SLC4A10: variants seen among roughly 807,000 people sequenced by gnomAD.
The protein encoded by SLC4A10 is sodium-driven chloride bicarbonate exchanger.
A neutral mutation model predicts 137.7 loss-of-function variants in SLC4A10; 42 were observed. The observed-to-expected ratio is 0.30, with a 90% CI of 0.24 to 0.39. The LOEUF (loss-of-function observed/expected upper bound fraction) is 0.39, where lower values mean the gene tolerates loss of function less well. SLC4A10 is among the 10% of genes least tolerant of loss of function. The probability of loss-of-function intolerance (pLI) is 1.00; values close to 1 mark genes in which losing one functional copy is unlikely to be tolerated. For synonymous variants in SLC4A10, 474 were observed against 464.1 expected, an observed-to-expected ratio of 1.02 and a Z score of -0.27; for missense variants, 925 against 1,355.0, an observed-to-expected ratio of 0.68 and a Z score of 4.98.
intron 19 of SLC4A10, 146 bp downstream of exon 19, chr2:161,950,994 G>A (rs1694700798): frequency 1.3e-6 from 1 of 749,284 alleles, no homozygotes; most frequent in African/African-American, 1.8e-5. Flanking sequence ...TGTCTTACAA[G>A]ATACTTGGTC....
At chr2:161,769,179 T>TGAC (rs2051261161) in intron 1 of SLC4A10, among the ~76,000 whole-genome samples, 1 of 151,972 alleles carries the variant, frequency 6.6e-6, no homozygotes, top group Admixed American at 6.6e-5. Context: ...ACCCCTTGAG[T>TGAC]GACGACATTA....
At chr2:161,671,112 G>C (rs777005311) in intron 1 of SLC4A10, among the ~76,000 whole-genome samples, 2 of 152,154 alleles carry the variant, frequency 1.3e-5, no homozygotes, top group African/African-American at 2.4e-5. Context: ...CAGTGTGATA[G>C]TATTAAAAGG....
intron 26 of SLC4A10, among the ~76,000 whole-genome samples, chr2:161,979,427 A>C (rs1699884223): frequency 6.6e-6 from 1 of 152,178 alleles, no homozygotes; most frequent in African/African-American, 2.4e-5. Flanking sequence ...TTATTCTTTA[A>C]ATGTACTTTC....
chr2:161,636,093 T>A (rs2034339657), intron 1 of SLC4A10, among the ~76,000 whole-genome samples: 3 of 152,180 alleles, frequency 2.0e-5, no homozygotes, highest in African/African-American at 7.2e-5. Flanking sequence ...TCTTTCTAGG[T>A]GCTTCTAGAT....
At chr2:161,666,702 G>T (rs1416137397) in intron 1 of SLC4A10, among the ~76,000 whole-genome samples, 2 of 151,622 alleles carry the variant, frequency 1.3e-5, no homozygotes, top group South Asian at 4.1e-4. Flanking sequence ...AATATGGAAG[G>T]AGTTCTTAAG....
chr2:161,947,521 C>T (rs1694042913), intron 16 of SLC4A10, 45 bp from the exon 17 acceptor site: 2 of 1,580,412 alleles, frequency 1.3e-6, no homozygotes, highest in Non-Finnish European at 1.7e-6. Flanking sequence ...AGAAATGTGT[C>T]CGGTTTTTTC....
In SLC4A10 at chr2:161,640,717, T is replaced by A. The variant is rs193096034; in HGVS notation, c.48+16151T>A. Among the ~76,000 whole-genome samples, 36 of 151,558 alleles carry A rather than the reference T, an allele frequency of 2.4e-4. No individual in the cohort carries two copies. In the East Asian group the frequency reaches 6.5e-3, roughly 27 times the overall value. On this transcript the variant is annotated intron_variant, in intron 1 of 26. Transcript: ENST00000446997. ...CTCTTGCTGGAGTGCAGTCGCTGGT[T>A]ACAGGCATGGTCATCACAGTGCACT...
chr2:161,929,212 G>A (rs958571048), intron 15 of SLC4A10, among the ~76,000 whole-genome samples: 2 of 152,264 alleles, frequency 1.3e-5, no homozygotes, highest in Admixed American at 6.5e-5. Flanking sequence ...ACGAGAAAGA[G>A]ACTCTTGCTT....
intron 15 of SLC4A10, among the ~76,000 whole-genome samples, chr2:161,932,072 T>C (rs932239513): frequency 1.3e-5 from 2 of 152,200 alleles, no homozygotes; most frequent in Admixed American, 1.3e-4. Context: ...TATGAAAATG[T>C]TTTCCCATCA....
chr2:161,888,278 C>G (rs149977930), intron 10 of SLC4A10, among the ~76,000 whole-genome samples: 2 of 152,106 alleles, frequency 1.3e-5, no homozygotes, highest in African/African-American at 4.8e-5. Context: ...CATACAGGCT[C>G]TATTTTTGGT....
At chr2:161,954,123 G>A (rs1443643739) in intron 19 of SLC4A10, among the ~76,000 whole-genome samples, 1 of 152,126 alleles carries the variant, frequency 6.6e-6, no homozygotes, top group Non-Finnish European at 1.5e-5. Context: ...GTAAATGAAT[G>A]CATTTGCAAC....
At chr2:161,875,294 C>T (rs1041450831) in intron 8 of SLC4A10, among the ~76,000 whole-genome samples, 4 of 152,114 alleles carry the variant, frequency 2.6e-5, no homozygotes, top group African/African-American at 9.7e-5. Context: ...TATCAGAATT[C>T]ACCTAGTCTC....
intron 1 of SLC4A10, among the ~76,000 whole-genome samples, chr2:161,722,401 T>C (rs66761688): frequency 0.082 from 12,431 of 152,242 alleles, 569 homozygotes; most frequent in East Asian, 0.14. Context: ...TGTTTTGTTG[T>C]TTTCTGTTTG....
At chr2:161,696,548 A>G (rs34064224) in intron 1 of SLC4A10, among the ~76,000 whole-genome samples, 122,628 of 145,948 alleles carry the variant, frequency 0.84, 51,479 homozygotes, top group Middle Eastern at 0.87. Flanking sequence ...GAGTGAGAAC[A>G]TGCAGTGTTT....
intron 1 of SLC4A10, among the ~76,000 whole-genome samples, chr2:161,755,308 A>T (rs75761966): frequency 2.4e-3 from 373 of 152,286 alleles, no homozygotes; most frequent in Non-Finnish European, 4.3e-3. Flanking sequence ...TTCATTTGGT[A>T]TGTGTTTTCC....
In SLC4A10 at chr2:161,873,917, G is replaced by C. The variant is rs759594062; in HGVS notation, c.860G>C (p.Gly287Ala). 4 of 1,592,736 alleles carry C rather than the reference G, an allele frequency of 2.5e-6. No homozygotes were observed. The highest frequency in any genetic ancestry group is 1.7e-5 in the Admixed American group (1 of 59,370). Reference sequence around the variant, plus strand: ...TAAGTCTGTTAATTATGCGTGCAGGGACTGGGAGGCCAACAAAAGGGGCAT... The same window carrying C: ...TAAGTCTGTTAATTATGCGTGCAGGCACTGGGAGGCCAACAAAAGGGGCAT... ...RENSTVDFSK[G>A]LGGQQKGHTS... The change falls in exon 8 of 27, where the codon GGA becomes GCA. Residue 287 changes from glycine (G) to alanine (A), a missense_variant and splice_region_variant. Around this residue, in one of 11 missense-constraint regions of SLC4A10, gnomAD observed 277 missense variants for 306.1 expected, o/e 0.90. Transcript: ENST00000446997.
chr2:161,956,343 T>C (rs1695662790), intron 19 of SLC4A10, among the ~76,000 whole-genome samples: 1 of 152,178 alleles, frequency 6.6e-6, no homozygotes, highest in Non-Finnish European at 1.5e-5. Flanking sequence ...AGAACTTATA[T>C]TCTTAACCAC....
chr2:161,641,227 A>G (rs1247962358), intron 1 of SLC4A10, among the ~76,000 whole-genome samples: 2 of 152,040 alleles, frequency 1.3e-5, no homozygotes, highest in Non-Finnish European at 2.9e-5. Flanking sequence ...GTTTTTATTT[A>G]TTCTATTAAG....
chr2:161,908,348 A>G (rs1178065021), intron 15 of SLC4A10, among the ~76,000 whole-genome samples: 1 of 148,320 alleles, frequency 6.7e-6, no homozygotes, highest in Non-Finnish European at 1.5e-5. Flanking sequence ...AAAAAACCAA[A>G]CACCGCATGT....
Sources: gnomAD v4.1 joint callset for allele counts (sites outside exome capture counted in the v4.1 genomes callset) on GRCh38, gnomAD v4.1.1 for gene constraint, gnomAD v4.1.1 regional missense constraint, MANE v1.5 for transcripts, NCBI Gene and HGNC (gene_info 2026-07-23, HGNC 2026-07-21) for gene names.